C11orf65: variants seen among roughly 807,000 people sequenced by gnomAD.
C11orf65 encodes the protein chromosome 11 open reading frame 65.
Under a neutral mutation model 35.3 loss-of-function variants are expected in C11orf65, and 38 were observed. The ratio of observed to expected loss-of-function variants is 1.08; its 90% CI spans 0.83 to 1.41. The LOEUF (loss-of-function observed/expected upper bound fraction) is 1.41. Among genes scored for constraint, C11orf65 ranks in the 40% most tolerant of loss-of-function variants. C11orf65 has a pLI of 0.00. For missense variants in C11orf65, 370 were observed against 367.1 expected, an observed-to-expected ratio of 1.01 and a Z score of -0.06; for synonymous variants, 105 against 114.4, an observed-to-expected ratio of 0.92 and a Z score of 0.53.
intron 6 of C11orf65, among the ~76,000 whole-genome samples, chr11:108,309,328 AT>A (rs1334858321): frequency 1.3e-5 from 2 of 152,206 alleles, no homozygotes; most frequent in African/African-American, 4.8e-5. Context: ...CTTAACATTC[AT>A]CGGAAAATTA....
rs1057520452 is a variant in C11orf65 at position 108,345,726 on chromosome 11, A to G, written c.227-10434T>C. ...ACACAATATTGAAAAATAATTATAT[A>G]TATTCTCTATTTAAAGGAGGTGCAA... On this transcript the variant is annotated intron_variant, in intron 2 of 3. Transcript: ENST00000524755. 7 of 1,538,596 alleles carry G rather than the reference A, an allele frequency of 4.5e-6. No individual in the cohort carries two copies. In the East Asian group the frequency reaches 6.8e-5, roughly 15 times the overall value.
In C11orf65 at chr11:108,354,808, T is replaced by C. The variant is rs2089687765; in HGVS notation, c.227-19516A>G. 1 of 1,613,042 alleles carries C rather than the reference T, an allele frequency of 6.2e-7. No individual in the cohort carries two copies. Among genetic ancestry groups the C allele is most frequent in the Non-Finnish European group, 8.5e-7 (1 of 1,178,994 alleles). On this transcript the variant is annotated intron_variant, in intron 2 of 3. Coordinates refer to the C11orf65 transcript ENST00000524755. ...TCCGTATTTATAATGTGTTTGACTC[T>C]AGATGCTGTGAGAAAACCATGGAAG...
At chr11:108,357,165 G>C (rs1252252811) in intron 2 of C11orf65, among the ~76,000 whole-genome samples, 1 of 152,210 alleles carries the variant, frequency 6.6e-6, no homozygotes, top group African/African-American at 2.4e-5. Flanking sequence ...CCCTTTCCTA[G>C]TCAAAGAAAG....
intron 3 of C11orf65, among the ~76,000 whole-genome samples, chr11:108,420,161 C>T (rs1403998301): frequency 6.6e-6 from 1 of 152,068 alleles, no homozygotes; most frequent in African/African-American, 2.4e-5. Context: ...CATTAAAAAG[C>T]AAGTTATAAA....
chr11:108,364,481 T>A (rs1409472141), intron 2 of C11orf65, among the ~76,000 whole-genome samples: 1 of 152,164 alleles, frequency 6.6e-6, no homozygotes, highest in African/African-American at 2.4e-5. Flanking sequence ...CTAATATATA[T>A]CTCAAGATTC....
chr11:108,410,688 T>A (rs916885308), intron 3 of C11orf65, among the ~76,000 whole-genome samples: 1 of 150,006 alleles, frequency 6.7e-6, no homozygotes, highest in South Asian at 2.1e-4. Flanking sequence ...TCTGATTTTA[T>A]CTTCACTATT....
At chr11:108,428,466 G>A (rs902189403) in intron 3 of C11orf65, among the ~76,000 whole-genome samples, 1 of 152,164 alleles carries the variant, frequency 6.6e-6, no homozygotes, top group African/African-American at 2.4e-5. Context: ...ATACACCATG[G>A]AATACCATGC....
Position 108,406,823 on chromosome 11 carries a change from C to T in C11orf65, c.369G>A (p.Glu123=), listed in dbSNP as rs754850652. The T allele has an allele frequency of 3.1e-6, 5 of 1,612,460 alleles. No individual in the cohort carries two copies. Among genetic ancestry groups the T allele is most frequent in the African/African-American group, 1.3e-5 (1 of 74,888 alleles). The change falls in exon 5 of 9, where the codon GAG becomes GAA. Residue 123 remains glutamate, a synonymous_variant. Coordinates refer to ENST00000393084, the MANE Select transcript of C11orf65 (RefSeq NM_152587.5). ...TACGATGATACCAGCCACTATGATC[C>T]TCTTCCTGAAGATGATCATTTTTAT... ...SHNKNDHLQE[E]DHSGWYHRIE...
chr11:108,356,656 G>C (rs2089962543), intron 2 of C11orf65, among the ~76,000 whole-genome samples: 1 of 151,942 alleles, frequency 6.6e-6, no homozygotes, highest in Non-Finnish European at 1.5e-5. Flanking sequence ...TTTATGCTAA[G>C]GTGGATTTGG....
At chr11:108,429,073 G>A (rs970572664) in intron 3 of C11orf65, among the ~76,000 whole-genome samples, 1 of 152,162 alleles carries the variant, frequency 6.6e-6, no homozygotes, top group Non-Finnish European at 1.5e-5. Flanking sequence ...CTTGGGCCCA[G>A]GAGGTTGAGG....
At chr11:108,434,103 T>C (rs1489934919) in intron 2 of C11orf65, among the ~76,000 whole-genome samples, 1 of 152,188 alleles carries the variant, frequency 6.6e-6, no homozygotes, top group African/African-American at 2.4e-5. Context: ...AGAATCTTAA[T>C]AATCAGGTGA....
intron 2 of C11orf65, among the ~76,000 whole-genome samples, chr11:108,371,431 T>G (rs1484950125): frequency 1.3e-5 from 2 of 152,180 alleles, no homozygotes; most frequent in African/African-American, 2.4e-5. Flanking sequence ...ACCTTTTGTC[T>G]CTCTGCATTT....
At chr11:108,308,539 A>G (rs1490598847) in exon 7 of C11orf65, 2 of 189,192 alleles carry the variant, frequency 1.1e-5, no homozygotes, top group Non-Finnish European at 2.2e-5. Flanking sequence ...TTAACAGTGC[A>G]TACAGAAATT....
chr11:108,443,827 G>A (rs1453989862), intron 2 of C11orf65, among the ~76,000 whole-genome samples: 1 of 152,154 alleles, frequency 6.6e-6, no homozygotes. Flanking sequence ...GTAGTGTGTA[G>A]ACAGAAATTT....
At chr11:108,341,487 C>T (rs1274737078) in intron 2 of C11orf65, among the ~76,000 whole-genome samples, 1 of 152,094 alleles carries the variant, frequency 6.6e-6, no homozygotes, top group Non-Finnish European at 1.5e-5. Context: ...ACTCTGTTCT[C>T]AGTGCCCTAG....
At chr11:108,438,377 C>T (rs940882998) in intron 2 of C11orf65, among the ~76,000 whole-genome samples, 1 of 151,372 alleles carries the variant, frequency 6.6e-6, no homozygotes, top group Admixed American at 6.6e-5. Context: ...CGTGGTGAAA[C>T]CCTGTCTCCA....
chr11:108,389,994 GGTTTT>G (rs1199158342), intron 7 of C11orf65, among the ~76,000 whole-genome samples: 1 of 33,786 alleles, frequency 3.0e-5, no homozygotes, highest in Non-Finnish European at 7.9e-5. Flanking sequence ...TCGCCTGGCT[GGTTTT>G]TTTTTTATTT....
chr11:108,338,654 T>A (rs777220784), intron 2 of C11orf65, among the ~76,000 whole-genome samples: 3 of 150,828 alleles, frequency 2.0e-5, no homozygotes, highest in African/African-American at 4.9e-5. Context: ...AGAACTTGTC[T>A]TAAAAAAAAA....
rs144454472 is a variant in C11orf65 at position 108,437,477 on chromosome 11, G to A, written c.82-5639C>T. On this transcript the variant is annotated intron_variant, in intron 2 of 8. Transcript: ENST00000393084. ...TCCCAGCACTTTGGGAGGCTGAGGC[G>A]GGCAGATCATGAGGTCAAGAGATCG... Among the ~76,000 whole-genome samples the A allele has an allele frequency of 6.0e-3, 912 of 151,996 alleles. 10 individuals are homozygous for A. Among genetic ancestry groups the A allele is most frequent in the African/African-American group, 0.021 (859 of 41,452 alleles).
Sources: gnomAD v4.1 joint callset for allele counts (sites outside exome capture counted in the v4.1 genomes callset) on GRCh38, gnomAD v4.1.1 for gene constraint, MANE v1.5 for transcripts, NCBI Gene and HGNC (gene_info 2026-07-23, HGNC 2026-07-21) for gene names.